DMD: variants seen among roughly 807,000 people sequenced by gnomAD.
DMD encodes the protein mutant dystrophin.
DMD carries 63 observed loss-of-function variants against 330.1 expected under a neutral mutation model. That is an observed-to-expected ratio of 0.19 (90% confidence interval 0.16 to 0.24). The LOEUF (loss-of-function observed/expected upper bound fraction) is 0.24. DMD is among the 10% of genes least tolerant of loss of function. The pLI is 1.00. For synonymous variants in DMD, 1,223 were observed against 959.8 expected, an observed-to-expected ratio of 1.27 and a Z score of -5.07; for missense variants, 3,344 against 2,684.1, an observed-to-expected ratio of 1.25 and a Z score of -5.43.
intron 43 of DMD, among the ~76,000 whole-genome samples, chrX:32,267,274 GC>G (rs2097348532): frequency 8.9e-6 from 1 of 111,781 alleles, no homozygotes; most frequent in Non-Finnish European, 1.9e-5. Flanking sequence ...CATTTCAAAA[GC>G]TTTGCTCTTT....
At chrX:33,325,251 A>G (rs2054072977) in intron 1 of DMD, among the ~76,000 whole-genome samples, 1 of 112,100 alleles carries the variant, frequency 8.9e-6, no homozygotes, top group East Asian at 2.8e-4. Context: ...TTAAATATAC[A>G]TAGCTCTTGG....
chrX:31,381,142 C>A (rs2060157747), intron 60 of DMD, among the ~76,000 whole-genome samples: 1 of 111,227 alleles, frequency 9.0e-6, no homozygotes, highest in Non-Finnish European at 1.9e-5. Flanking sequence ...GATCCTAAAT[C>A]CTTTCCCCAC....
intron 7 of DMD, among the ~76,000 whole-genome samples, chrX:32,785,203 T>TA (rs550668969): frequency 0.085 from 8,466 of 99,469 alleles, 738 homozygotes; most frequent in African/African-American, 0.26. Context: ...ATAAAAGCAT[T>TA]AAAAAAAAAA....
At chrX:31,670,931 T>A (rs1370861151) in intron 53 of DMD, among the ~76,000 whole-genome samples, 1 of 108,038 alleles carries the variant, frequency 9.3e-6, no homozygotes, top group Non-Finnish European at 1.9e-5. Context: ...TTTTTTTTTT[T>A]AGACGGAGTC....
chrX:32,403,688 A>G (rs944825248), intron 30 of DMD, among the ~76,000 whole-genome samples: 8 of 111,906 alleles, frequency 7.1e-5, no homozygotes, highest in Non-Finnish European at 1.5e-4. Flanking sequence ...ATAGCAACAC[A>G]TAGGGGTGGC....
chrX:32,684,620 G>T (rs1431411243), intron 9 of DMD, among the ~76,000 whole-genome samples: 2 of 111,408 alleles, frequency 1.8e-5, no homozygotes, highest in East Asian at 5.7e-4. Flanking sequence ...TTTATGTTCT[G>T]CAAAATTATC....
chrX:31,926,940 G>T (rs898202859), intron 47 of DMD, among the ~76,000 whole-genome samples: 13 of 111,136 alleles, frequency 1.2e-4, no homozygotes, highest in Admixed American at 6.7e-4. Flanking sequence ...GAGGGGGTCC[G>T]CTTTATTTCT....
At chrX:31,424,294 T>C (rs1396320698) in intron 60 of DMD, among the ~76,000 whole-genome samples, 1 of 112,108 alleles carries the variant, frequency 8.9e-6, no homozygotes, top group African/African-American at 3.2e-5. Flanking sequence ...TTCCCCCATG[T>C]GCAATTCCCA....
At chrX:32,723,146 T>C (rs1345963937) in intron 7 of DMD, among the ~76,000 whole-genome samples, 1 of 111,696 alleles carries the variant, frequency 9.0e-6, no homozygotes, top group East Asian at 2.8e-4. Context: ...AATAAAAGGA[T>C]GTTTAGCTTT....
intron 1 of DMD, among the ~76,000 whole-genome samples, chrX:33,045,133 AT>A (rs1295705219): frequency 2.7e-5 from 3 of 111,223 alleles, no homozygotes; most frequent in Non-Finnish European, 5.7e-5. Flanking sequence ...TGTATTTTGC[AT>A]TTAATCCTCA....
intron 5 of DMD, among the ~76,000 whole-genome samples, chrX:32,820,252 A>C (rs1680557507): frequency 9.0e-6 from 1 of 111,494 alleles, no homozygotes; most frequent in African/African-American, 3.3e-5. Context: ...ATCCTGGCTA[A>C]CACGGTGAAA....
intron 44 of DMD, among the ~76,000 whole-genome samples, chrX:31,987,856 T>C (rs2095520344): frequency 9.0e-6 from 1 of 111,622 alleles, no homozygotes; most frequent in Non-Finnish European, 1.9e-5. Flanking sequence ...ACAAAGCAAA[T>C]AAAATCAGTA....
At chrX:32,000,153 A>T (rs1299191232) in intron 44 of DMD, among the ~76,000 whole-genome samples, 4 of 112,508 alleles carry the variant, frequency 3.6e-5, no homozygotes, top group South Asian at 7.2e-4. Flanking sequence ...TATCTTGGAC[A>T]ATCCATGCAC....
intron 67 of DMD, among the ~76,000 whole-genome samples, chrX:31,187,716 TCAGAGAGAGAGAGAGAGAGAGA>T (rs1232966330): frequency 4.3e-4 from 33 of 76,625 alleles, no homozygotes; most frequent in Admixed American, 1.4e-3. Flanking sequence ...TCCCAGATTC[TCAGAGAGAGAGAGAGAGAGAGA>T]GAGAGAGAGA....
chrX:31,920,761 A>G (rs1176509609), intron 47 of DMD, among the ~76,000 whole-genome samples: 1 of 112,024 alleles, frequency 8.9e-6, no homozygotes, highest in Non-Finnish European at 1.9e-5. Flanking sequence ...ATTGCTAAGA[A>G]TAGTCGAATT....
At chrX:31,195,319 G>A (rs1569449389) in intron 67 of DMD, among the ~76,000 whole-genome samples, 1 of 111,299 alleles carries the variant, frequency 9.0e-6, no homozygotes, top group South Asian at 3.8e-4. Context: ...ACCAATTAAC[G>A]CCATGGCCCT....
chrX:32,807,307 G>A (rs1462529916), intron 7 of DMD, among the ~76,000 whole-genome samples: 1 of 109,749 alleles, frequency 9.1e-6, no homozygotes, highest in Non-Finnish European at 1.9e-5. Context: ...ACTACCATCA[G>A]AGAATACTAC....
chrX:32,013,719 C>T (rs1310652956), intron 44 of DMD, among the ~76,000 whole-genome samples: 2 of 111,543 alleles, frequency 1.8e-5, no homozygotes, highest in African/African-American at 3.3e-5. Context: ...ATATTGATCA[C>T]GTCTAAATTA....
At position 32,463,509 on chromosome X, in the gene DMD, G is replaced by C. The variant is rs1557369441; in HGVS notation, c.3362C>G (p.Pro1121Arg). 1 of 1,204,976 alleles carries C rather than the reference G, an allele frequency of 8.3e-7. No homozygotes were observed. The highest frequency in any genetic ancestry group is 1.7e-5 in the African/African-American group (1 of 57,653). The change falls in exon 25 of 79, where the codon CCA becomes CGA. Residue 1121 changes from proline (P) to arginine (R), a missense_variant. Physicochemically the swap from Pro to Arg is moderately radical, Grantham distance 103. Transcript: ENST00000357033. ...GGQKIKNEAE[P>R]EFASRLETEL... ...TGTCTCAAGTCTCGAAGCAAACTCT[G>C]GCTCTGCTTCATTCTTTATCTTCTG...
Sources: gnomAD v4.1 joint callset for allele counts (sites outside exome capture counted in the v4.1 genomes callset) on GRCh38, gnomAD v4.1.1 for gene constraint, MANE v1.5 for transcripts, NCBI Gene and HGNC (gene_info 2026-07-23, HGNC 2026-07-21) for gene names.